CNKSR2: variants seen among roughly 807,000 people sequenced by gnomAD.
CNKSR2 encodes connector enhancer of kinase suppressor of Ras 2.
A neutral mutation model predicts 84.4 loss-of-function variants in CNKSR2; 14 were observed. That is an observed-to-expected ratio of 0.17 (90% CI 0.11 to 0.26). The LOEUF is 0.26. Among genes scored for constraint, CNKSR2 ranks in the 10% least tolerant of loss-of-function variants. CNKSR2 has a pLI of 1.00. For missense variants in CNKSR2, 485 were observed against 771.2 expected (o/e 0.63, Z 4.40); for synonymous variants, 275 against 277.9 (o/e 0.99, Z 0.10).
At chrX:21,503,319 A>G in intron 8 of CNKSR2, 1 of 295,425 alleles carries the variant, frequency 3.4e-6, no homozygotes, top group East Asian at 4.8e-5. Flanking sequence ...TCTGAAATTG[A>G]CTTATGGCTT....
intron 20 of CNKSR2, among the ~76,000 whole-genome samples, chrX:21,631,408 G>A (rs1194929859): frequency 8.9e-6 from 1 of 112,487 alleles, no homozygotes; most frequent in Non-Finnish European, 1.9e-5. Flanking sequence ...CTAATCAGAA[G>A]TTATTTCAAT....
intron 6 of CNKSR2, among the ~76,000 whole-genome samples, chrX:21,496,491 A>G (rs1406675186): frequency 1.8e-5 from 2 of 111,743 alleles, no homozygotes; most frequent in Non-Finnish European, 3.8e-5. Flanking sequence ...AGTGATAAGC[A>G]TTCATTTTGT....
At chrX:21,490,366 A>G (rs1412560701) in intron 5 of CNKSR2, 93 bp from the exon 6 acceptor site, 2 of 898,100 alleles carry the variant, frequency 2.2e-6, no homozygotes, top group African/African-American at 4.0e-5. Context: ...TCTACTGTTT[A>G]TTTTTCCTTA....
intron 16 of CNKSR2, 74 bp from the exon 17 acceptor site, chrX:21,595,246 GTAAT>G: frequency 1.3e-6 from 1 of 778,882 alleles, no homozygotes; most frequent in Non-Finnish European, 1.9e-6. Context: ...AGATGTTGAG[GTAAT>G]TTTGCCCGTC....
chrX:21,383,908 C>G (rs746231712), intron 1 of CNKSR2, among the ~76,000 whole-genome samples: 1 of 111,680 alleles, frequency 9.0e-6, no homozygotes, highest in East Asian at 2.8e-4. Flanking sequence ...TAGTAAAAAC[C>G]TTTAACAATG....
intron 2 of CNKSR2, chrX:21,428,270 C>G (rs1161128044): frequency 1.8e-5 from 2 of 111,721 alleles, no homozygotes; most frequent in African/African-American, 6.5e-5. Context: ...TTTCTCTTAC[C>G]TGCATAGCCT....
At chrX:21,376,747 A>G (rs1425987505) in intron 1 of CNKSR2, among the ~76,000 whole-genome samples, 2 of 111,973 alleles carry the variant, frequency 1.8e-5, no homozygotes, top group African/African-American at 6.5e-5. Context: ...AAGACAAGCT[A>G]TCTTGGCTCC....
At chrX:21,432,113 T>C (rs748996691) in intron 2 of CNKSR2, among the ~76,000 whole-genome samples, 1 of 111,838 alleles carries the variant, frequency 8.9e-6, no homozygotes, top group South Asian at 3.7e-4. Context: ...TATTTTTTTA[T>C]CTGATTTATT....
At chrX:21,467,672 A>G (rs1419940915) in intron 4 of CNKSR2, among the ~76,000 whole-genome samples, 1 of 109,586 alleles carries the variant, frequency 9.1e-6, no homozygotes, top group Non-Finnish European at 1.9e-5. Flanking sequence ...AGTTTTGTTT[A>G]TTTTAAATAG....
At chrX:21,476,786 A>C (rs1378675968) in intron 5 of CNKSR2, among the ~76,000 whole-genome samples, 1 of 112,082 alleles carries the variant, frequency 8.9e-6, no homozygotes, top group Admixed American at 9.5e-5. Flanking sequence ...TATATATCTC[A>C]GTGATTATCG....
intron 1 of CNKSR2, among the ~76,000 whole-genome samples, chrX:21,389,620 T>A (rs907061866): frequency 1.8e-5 from 2 of 112,063 alleles, no homozygotes; most frequent in Non-Finnish European, 3.8e-5. Flanking sequence ...ATAGAGTTGT[T>A]CTTCACTATG....
intron 1 of CNKSR2, among the ~76,000 whole-genome samples, chrX:21,408,874 G>A (rs771108382): frequency 2.7e-5 from 3 of 110,277 alleles, no homozygotes; most frequent in African/African-American, 3.3e-5. Context: ...CAGGAGAATC[G>A]TAAGAACATT....
chrX:21,591,204 A>C lies in CNKSR2; in HGVS notation c.1830+10A>C. 8.7e-7 allele frequency: 1 copy of C among 1,144,626 alleles called. No individual in the cohort carries two copies. Among genetic ancestry groups the C allele is most frequent in the Non-Finnish European group, 1.2e-6 (1 of 851,335 alleles). 94.3% of individuals were successfully genotyped at this position (1,144,626 alleles called of 1,213,427 possible). On this transcript the variant is annotated intron_variant, in intron 15 of 21. Coordinates refer to ENST00000379510, the MANE Select transcript of CNKSR2 (RefSeq NM_014927.5). ...GTATATTAATGAGGAGGTAAGATAA[A>C]GCACCTTTTGTTTTCTCATCCATTC... is the stretch of plus-strand genomic sequence containing the variant.
At chrX:21,631,794 GAT>G (rs1432289776) in intron 20 of CNKSR2, among the ~76,000 whole-genome samples, 1 of 111,934 alleles carries the variant, frequency 8.9e-6, no homozygotes, top group Non-Finnish European at 1.9e-5. Context: ...CTTCTTTCAA[GAT>G]ATTGCATATA....
intron 20 of CNKSR2, chrX:21,641,441 G>C: frequency 9.6e-7 from 1 of 1,036,720 alleles, no homozygotes; most frequent in Non-Finnish European, 1.3e-6. Flanking sequence ...GGTATTGCAT[G>C]ATGGTATTTC....
chrX:21,496,632 C>A (rs181023149), intron 6 of CNKSR2, among the ~76,000 whole-genome samples: 1 of 111,162 alleles, frequency 9.0e-6, no homozygotes, highest in Non-Finnish European at 1.9e-5. Context: ...TTTTTCTAAT[C>A]TCTTATTTTC....
chrX:21,501,991 A>G (rs2091564660), intron 8 of CNKSR2, among the ~76,000 whole-genome samples: 1 of 108,867 alleles, frequency 9.2e-6, no homozygotes, highest in Admixed American at 9.8e-5. Flanking sequence ...GCATACATCC[A>G]TTTATCTAAC....
intron 11 of CNKSR2, among the ~76,000 whole-genome samples, chrX:21,541,259 G>A (rs1350181359): frequency 9.0e-6 from 1 of 111,384 alleles, no homozygotes; most frequent in African/African-American, 3.3e-5. Context: ...GGGATTACAG[G>A]CATGAGCCAC....
intron 11 of CNKSR2, among the ~76,000 whole-genome samples, chrX:21,540,921 ACT>A (rs999848061): frequency 4.5e-5 from 5 of 111,773 alleles, no homozygotes; most frequent in African/African-American, 1.3e-4. Context: ...AAATAGGGAC[ACT>A]CTGTTATTAA....
Sources: gnomAD v4.1 joint callset for allele counts (sites outside exome capture counted in the v4.1 genomes callset) on GRCh38, gnomAD v4.1.1 for gene constraint, MANE v1.5 for transcripts, NCBI Gene and HGNC (gene_info 2026-07-23, HGNC 2026-07-21) for gene names.